Variants in TMEM54 observed in about 807,000 individuals in gnomAD.
The protein encoded by TMEM54 is beta-casein-like protein.
Under a neutral mutation model 21.3 loss-of-function variants are expected in TMEM54, and 21 were observed. The observed-to-expected ratio is 0.99, with a 90% CI of 0.70 to 1.42. The LOEUF (loss-of-function observed/expected upper bound fraction) is 1.42, where lower values mean the gene tolerates loss of function less well. Among genes scored for constraint, TMEM54 ranks in the 40% most tolerant of loss-of-function variants. The probability of loss-of-function intolerance (pLI) is 0.00; values close to 1 mark genes in which losing one functional copy is unlikely to be tolerated. For synonymous variants in TMEM54, 109 were observed against 125.0 expected (o/e 0.87, Z 0.86); for missense variants, 246 against 294.0 (o/e 0.84, Z 1.19).
At position 32,901,160 on chromosome 1, in the gene TMEM54, T is replaced by C. The variant is rs1453372037; in HGVS notation, c.16+63A>G. On this transcript the variant is annotated intron_variant, in intron 1 of 5. Coordinates refer to ENST00000373463, the MANE Select transcript of TMEM54 (RefSeq NM_033504.4). This position sits in a 1 kb window ranked among gnomAD's most constrained non-coding sequence, Gnocchi z 4.2. ...CTGGGGGCTCGGGTTCCGGGCTCAG[T>C]GCTCCGCTCCTGTGGGAGGGTTGGG... is the stretch of plus-strand genomic sequence containing the variant. The C allele has an allele frequency of 4.3e-6, 6 of 1,387,746 alleles. No individual in the cohort carries two copies. The Admixed American group carries it at 1.5e-4, about 35-fold the overall frequency. 86.0% of individuals were successfully genotyped at this position (1,387,746 alleles called of 1,614,324 possible).
Position 32,901,145 on chromosome 1 carries a change from G to A in TMEM54, c.16+78C>T. 1 of 1,350,470 alleles carries A rather than the reference G, an allele frequency of 7.4e-7. No homozygotes were observed. Among genetic ancestry groups the A allele is most frequent in the South Asian group, 2.0e-5 (1 of 49,708 alleles). 83.7% of individuals were successfully genotyped at this position (1,350,470 alleles called of 1,614,324 possible). A position where few individuals can be genotyped will look rare whatever the true frequency, so the allele number is the denominator to read the frequency against. ...AGGTGGCCTGGCCCCCTGGGGGCTC[G>A]GGTTCCGGGCTCAGTGCTCCGCTCC... On this transcript the variant is annotated intron_variant, in intron 1 of 5. Transcript: ENST00000373463. This position sits in a 1 kb window ranked among gnomAD's most constrained non-coding sequence, Gnocchi z 4.2.
In TMEM54 at chr1:32,896,005, G is replaced by A. The variant is rs1459641945; in HGVS notation, c.211-36C>T. 6.2e-7 allele frequency: 1 copy of A among 1,602,322 alleles called. No homozygotes were observed. The highest frequency in any genetic ancestry group is 2.2e-5 in the East Asian group (1 of 44,768). On this transcript the variant is annotated intron_variant, in intron 2 of 5. Coordinates refer to ENST00000373463, the MANE Select transcript of TMEM54 (RefSeq NM_033504.4). This position sits in a 1 kb window ranked among gnomAD's most constrained non-coding sequence, Gnocchi z 4.1. ...GGCTCAAGTCAGCCCTGACTCCTTG[G>A]CTGGAGGAACAGGGGCAGGGGGATC...
At position 32,897,031 on chromosome 1, in the gene TMEM54, C is replaced by T. The variant is rs1039421695; in HGVS notation, c.211-1062G>A. The stretch of plus-strand genomic sequence containing the variant: ...GTTGCTGGGAGAAGTGAGGATTAAC[C>T]GAGTAAGTGAGGGGAAGGCTGAAGT... On this transcript the variant is annotated intron_variant, in intron 2 of 5. Coordinates refer to ENST00000373463, the MANE Select transcript of TMEM54 (RefSeq NM_033504.4). This position sits in a 1 kb window ranked among gnomAD's most constrained non-coding sequence, Gnocchi z 4.9. 4.6e-5 allele frequency among the ~76,000 whole-genome samples: 7 copies of T among 152,178 alleles called. No homozygotes were observed. The highest frequency in any genetic ancestry group is 4.1e-4 in the South Asian group (2 of 4,832).
Position 32,895,704 on chromosome 1 carries a change from G to T in TMEM54, c.310C>A (p.Leu104Ile). ...VFSSSVACAL[L>I]SLTCALGLLA... ...AGGCCGAGGGCACAGGTCAGAGAAA[G>T]GAGAGCACAGGCCACGCTCGAGCTA... The change falls in exon 4 of 6, where the codon CTT becomes ATT. Residue 104 changes from leucine to isoleucine, a missense_variant. Physicochemically the swap from Leu to Ile is conservative, Grantham distance 5. Coordinates refer to ENST00000373463, the MANE Select transcript of TMEM54 (RefSeq NM_033504.4). This position sits in a 1 kb window ranked among gnomAD's most constrained non-coding sequence, Gnocchi z 5.8. 1 of 1,560,214 alleles carries T rather than the reference G, an allele frequency of 6.4e-7. No homozygotes were observed.
At position 32,901,224 on chromosome 1, in the gene TMEM54, G is replaced by C; in HGVS notation, c.15C>G (p.Leu5=). Residue 5 remains leucine (L), a splice_region_variant and synonymous_variant, in exon 1 of 6, where the codon CTC becomes CTG. Transcript: ENST00000373463. This position sits in a 1 kb window ranked among gnomAD's most constrained non-coding sequence, Gnocchi z 4.2. ...TCCCGCGCGCCCCCAGTCGCTCACC[G>C]AGGCGCAGACACATGTCGGCTCCGC... MCLR[L]GGLSVGDFRK... The C allele has an allele frequency of 5.4e-6, 8 of 1,489,964 alleles. No homozygotes were observed. The highest frequency in any genetic ancestry group is 7.2e-6 in the Non-Finnish European group (8 of 1,108,026). 92.3% of individuals were successfully genotyped at this position (1,489,964 alleles called of 1,614,324 possible). A position where few individuals can be genotyped will look rare whatever the true frequency, so the allele number is the denominator to read the frequency against.
At position 32,895,758 on chromosome 1, in the gene TMEM54, C is replaced by T. The variant is rs1557545076; in HGVS notation, c.271-15G>A. The T allele has an allele frequency of 3.9e-6, 6 of 1,552,358 alleles. No individual in the cohort carries two copies. Among genetic ancestry groups the T allele is most frequent in the Non-Finnish European group, 5.2e-6 (6 of 1,147,794 alleles). On this transcript the variant is annotated splice_polypyrimidine_tract_variant and intron_variant, in intron 3 of 5. Transcript: ENST00000373463. This position sits in a 1 kb window ranked among gnomAD's most constrained non-coding sequence, Gnocchi z 5.8. ...ACTGTCCAGCGCTGGACGGGGGAGG[C>T]CACTGGTCAATGGGCGTCGTGCTTG...
Position 32,901,096 on chromosome 1 carries a change from C to A in TMEM54, c.16+127G>T. On this transcript the variant is annotated intron_variant, in intron 1 of 5. Coordinates refer to ENST00000373463, the MANE Select transcript of TMEM54 (RefSeq NM_033504.4). This position sits in a 1 kb window ranked among gnomAD's most constrained non-coding sequence, Gnocchi z 4.2. ...GAGAGGAAAGTGACCCGACCCCGGC[C>A]TCGTAGTAAGTTAGAGGCAGAGCAG... 9.5e-7 allele frequency: 1 copy of A among 1,057,202 alleles called. No homozygotes were observed. The highest frequency in any genetic ancestry group is 1.2e-6 in the Non-Finnish European group (1 of 809,378). The allele number at this position is 1,057,202 out of a possible 1,614,324, so 65.5% of individuals were successfully genotyped here. A position where few individuals can be genotyped will look rare whatever the true frequency, so the allele number is the denominator to read the frequency against.
At chr1:32,899,473 G>A (rs1404378822) in intron 1 of TMEM54, among the ~76,000 whole-genome samples, 3 of 151,820 alleles carry the variant, frequency 2.0e-5, no homozygotes, top group Non-Finnish European at 4.4e-5. Flanking sequence ...GGCAAGGTGG[G>A]AGAATCACTT....
At chr1:32,898,102 A>G (rs1248989649) in intron 2 of TMEM54, 24 bp downstream of exon 2, 3 of 1,575,476 alleles carry the variant, frequency 1.9e-6, no homozygotes, top group African/African-American at 1.3e-5. Flanking sequence ...CCTCCCACCA[A>G]CCACCCTCCC....
Position 32,897,184 on chromosome 1 carries a change from C to A in TMEM54, c.210+942G>T, listed in dbSNP as rs1447224185. The stretch of plus-strand genomic sequence containing the variant: ...ACATCCGCCCATCCCAGCCCTGTCC[C>A]ACCAACAGAGCCTCTCTTTCTTGCT... On this transcript the variant is annotated intron_variant, in intron 2 of 5. Transcript: ENST00000373463. This position sits in a 1 kb window ranked among gnomAD's most constrained non-coding sequence, Gnocchi z 4.9. 6.6e-6 allele frequency among the ~76,000 whole-genome samples: 1 copy of A among 152,202 alleles called. No individual in the cohort carries two copies. Among genetic ancestry groups the A allele is most frequent in the Non-Finnish European group, 1.5e-5 (1 of 68,038 alleles).
Position 32,895,678 on chromosome 1 carries a change from G to A in TMEM54, c.336C>T (p.Leu112=). 1 of 1,561,792 alleles carries A rather than the reference G, an allele frequency of 6.4e-7. No homozygotes were observed. Among genetic ancestry groups the A allele is most frequent in the East Asian group, 2.4e-5 (1 of 42,154 alleles). The change falls in exon 4 of 6, where the codon CTC becomes CTT. Residue 112 remains leucine (L), a synonymous_variant. Coordinates refer to ENST00000373463, the MANE Select transcript of TMEM54 (RefSeq NM_033504.4). This position sits in a 1 kb window ranked among gnomAD's most constrained non-coding sequence, Gnocchi z 5.8. ...CAAAGGTCATGGCGATGGAGGCCAAGAGGCCGAGGGCACAGGTCAGAGAAA... is the reference window on the plus strand; with the variant it reads ...CAAAGGTCATGGCGATGGAGGCCAAAAGGCCGAGGGCACAGGTCAGAGAAA... The part of the protein sequence containing the change: ...ALLSLTCALG[L]LASIAMTFAT...
In TMEM54 at chr1:32,894,748, G is replaced by A; in HGVS notation, c.*57C>T. 6.3e-7 allele frequency: 1 copy of A among 1,583,538 alleles called. No individual in the cohort carries two copies. The highest frequency in any genetic ancestry group is 8.7e-7 in the Non-Finnish European group (1 of 1,155,344). ...CTCCAGGAATCCTGGCCTGGTCACA[G>A]AGCAGAGTTGCTTGCAGGGTCCTAG... On this transcript the variant is annotated 3_prime_UTR_variant, in exon 6 of 6. Coordinates refer to ENST00000373463, the MANE Select transcript of TMEM54 (RefSeq NM_033504.4).
Position 32,894,737 on chromosome 1 carries a change from G to C in TMEM54, c.*68C>G. 6.3e-7 allele frequency: 1 copy of C among 1,574,894 alleles called. No homozygotes were observed. Reference sequence around the variant, plus strand: ...TCTCAGGCCAGCTCCAGGAATCCTGGCCTGGTCACAGAGCAGAGTTGCTTG... The same window carrying C: ...TCTCAGGCCAGCTCCAGGAATCCTGCCCTGGTCACAGAGCAGAGTTGCTTG... On this transcript the variant is annotated 3_prime_UTR_variant, in exon 6 of 6. Transcript: ENST00000373463.
rs1490854862 is a variant in TMEM54 at position 32,895,573 on chromosome 1, G to A, written c.441C>T (p.Phe147=). 1.5e-5 allele frequency: 24 copies of A among 1,591,466 alleles called. No individual in the cohort carries two copies. Among genetic ancestry groups the A allele is most frequent in the Non-Finnish European group, 2.1e-5 (24 of 1,169,188 alleles). ...TACTCACATAAATGCGTGTGGGGTCGAAGGGACAGTCAGGTGCGAGGGCCA... is the reference window on the plus strand; with the variant it reads ...TACTCACATAAATGCGTGTGGGGTCAAAGGGACAGTCAGGTGCGAGGGCCA... ...ELLALAPDCP[F]DPTRIYSSSL... is the part of the protein sequence containing the mutation. The change falls in exon 4 of 6, where the codon TTC becomes TTT. Residue 147 remains phenylalanine (F), a synonymous_variant. Coordinates refer to ENST00000373463, the MANE Select transcript of TMEM54 (RefSeq NM_033504.4). This position sits in a 1 kb window ranked among gnomAD's most constrained non-coding sequence, Gnocchi z 5.8.
chr1:32,900,809 C>T (rs141570369), intron 1 of TMEM54, among the ~76,000 whole-genome samples: 9 of 152,324 alleles, frequency 5.9e-5, no homozygotes, highest in Admixed American at 2.0e-4. Context: ...CCTTCCTGGC[C>T]TCGGGAGAGT....
Position 32,895,020 on chromosome 1 carries a change from A to G in TMEM54, c.595-141T>C. The G allele has an allele frequency of 6.9e-7, 1 of 1,459,676 alleles. No individual in the cohort carries two copies. Among genetic ancestry groups the G allele is most frequent in the Non-Finnish European group, 9.1e-7 (1 of 1,096,050 alleles). 90.4% of individuals were successfully genotyped at this position (1,459,676 alleles called of 1,614,324 possible). A position where few individuals can be genotyped will look rare whatever the true frequency, so the allele number is the denominator to read the frequency against. ...GCATCACTACCCACTCCACTGCAAG[A>G]GCCAGGCCTGACCTTTGCAATGCCC... is the stretch of plus-strand genomic sequence containing the variant. On this transcript the variant is annotated intron_variant, in intron 5 of 5. Transcript: ENST00000373463. The surrounding 1 kb of genome is among the most constrained non-coding windows in gnomAD (Gnocchi z 5.8).
rs1641620187 is a variant in TMEM54 at position 32,897,141 on chromosome 1, A to G, written c.210+985T>C. 6.6e-6 allele frequency among the ~76,000 whole-genome samples: 1 copy of G among 151,556 alleles called. No individual in the cohort carries two copies. Among genetic ancestry groups the G allele is most frequent in the African/African-American group, 2.4e-5 (1 of 41,232 alleles). ...CCTTCCTCACAACAGTATTAGAGGAACTCCAAGGACCCTGCACACATCCGC... is the reference window on the plus strand; with the variant it reads ...CCTTCCTCACAACAGTATTAGAGGAGCTCCAAGGACCCTGCACACATCCGC... On this transcript the variant is annotated intron_variant, in intron 2 of 5. Transcript: ENST00000373463. The surrounding 1 kb of genome is among the most constrained non-coding windows in gnomAD (Gnocchi z 4.9).
rs1176101242 is a variant in TMEM54, at chr1:32,897,229, C to T, written c.210+897G>A. Among the ~76,000 whole-genome samples the T allele has an allele frequency of 1.3e-5, 2 of 152,232 alleles. No homozygotes were observed. The highest frequency in any genetic ancestry group is 2.9e-5 in the Non-Finnish European group (2 of 68,046). On this transcript the variant is annotated intron_variant, in intron 2 of 5. Transcript: ENST00000373463. This position sits in a 1 kb window ranked among gnomAD's most constrained non-coding sequence, Gnocchi z 4.9. ...CTTGCTGGGACCTATGACTCCCATT[C>T]TCCCAAGCCTTGAGGCCAGCAGGCT...
rs968131742 is a variant in TMEM54 at position 32,894,820 on chromosome 1, C to T, written c.654G>A (p.Glu218=). Residue 218 remains glutamate (E), a synonymous_variant, in exon 6 of 6, where the codon GAG becomes GAA. Transcript: ENST00000373463. ...ACATCATCTCTCAGAGGGTCAGAGGCTCAGAGCTGGTGCAGCTCAGCAGGT... is the reference window on the plus strand; with the variant it reads ...ACATCATCTCTCAGAGGGTCAGAGGTTCAGAGCTGGTGCAGCTCAGCAGGT... ...GRDLLSCTSS[E]PLTL 6.2e-7 allele frequency: 1 copy of T among 1,611,566 alleles called. No individual in the cohort carries two copies. The highest frequency in any genetic ancestry group is 8.5e-7 in the Non-Finnish European group (1 of 1,177,942).
Sources: allele counts gnomAD v4.1 joint callset (sites outside exome capture counted in the v4.1 genomes callset), GRCh38; gene constraint gnomAD v4.1.1; non-coding constraint Gnocchi (gnomAD v3.1); transcripts MANE v1.5; gene names NCBI Gene and HGNC (gene_info 2026-07-23, HGNC 2026-07-21).